GNA12: variants seen among roughly 807,000 people sequenced by gnomAD.
The protein encoded by GNA12 is G protein subunit alpha 12, also known as guanine nucleotide-binding protein subunit alpha-12.
Under a neutral mutation model 26.0 loss-of-function variants are expected in GNA12, and 9 were observed. The observed-to-expected ratio is 0.35, with a 90% CI of 0.21 to 0.60. GNA12 has a LOEUF of 0.60. Among genes scored for constraint, GNA12 ranks in the 20% least tolerant of loss-of-function variants. The pLI, the probability that GNA12 is intolerant of heterozygous loss-of-function variation, is 0.78. For synonymous variants in GNA12, 264 were observed against 219.6 expected (o/e 1.20, Z -1.79); for missense variants, 405 against 525.8 (o/e 0.77, Z 2.25).
At chr7:2,751,706 A>C (rs183099065) in intron 2 of GNA12, among the ~76,000 whole-genome samples, 27 of 152,382 alleles carry the variant, frequency 1.8e-4, no homozygotes, top group Admixed American at 3.3e-4. Context: ...TCAAACATTG[A>C]CAGGTATTAA....
intron 1 of GNA12, among the ~76,000 whole-genome samples, chr7:2,808,095 T>A (rs888923178): frequency 6.6e-6 from 1 of 152,258 alleles, no homozygotes; most frequent in African/African-American, 2.4e-5. Flanking sequence ...GGTAACTGTT[T>A]AGACAACTAA....
intron 1 of GNA12, among the ~76,000 whole-genome samples, chr7:2,812,005 CA>C (rs1249240010): frequency 6.6e-6 from 1 of 152,220 alleles, no homozygotes; most frequent in Admixed American, 6.5e-5. Flanking sequence ...ACAGCTTTCC[CA>C]GGGGCAGTGG....
At chr7:2,742,742 T>C (rs952324560) in intron 2 of GNA12, among the ~76,000 whole-genome samples, 2 of 152,260 alleles carry the variant, frequency 1.3e-5, no homozygotes, top group African/African-American at 4.8e-5. Context: ...ACACAGGTGA[T>C]GCACATCTTC....
At chr7:2,829,616 C>CT (rs1793557475) in intron 1 of GNA12, among the ~76,000 whole-genome samples, 1 of 152,134 alleles carries the variant, frequency 6.6e-6, no homozygotes, top group Non-Finnish European at 1.5e-5. Flanking sequence ...ACTTATTATT[C>CT]TTATACAATA....
chr7:2,743,387 G>A (rs1399743694), intron 2 of GNA12, among the ~76,000 whole-genome samples: 1 of 152,104 alleles, frequency 6.6e-6, no homozygotes, highest in Non-Finnish European at 1.5e-5. Flanking sequence ...TCAAAATATG[G>A]AAGATATTCA....
chr7:2,752,350 C>T (rs1349345181), intron 2 of GNA12, among the ~76,000 whole-genome samples: 1 of 152,104 alleles, frequency 6.6e-6, no homozygotes, highest in Non-Finnish European at 1.5e-5. Flanking sequence ...CATGGTGGAC[C>T]ACTGAGTACT....
intron 2 of GNA12, among the ~76,000 whole-genome samples, chr7:2,759,000 C>T (rs1265079437): frequency 2.0e-5 from 3 of 150,950 alleles, no homozygotes; most frequent in South Asian, 2.1e-4. Flanking sequence ...ACTAGCGGGG[C>T]GTGGTGGTGG....
chr7:2,834,763 C>CATT (rs1167318705), intron 1 of GNA12, among the ~76,000 whole-genome samples: 1 of 152,152 alleles, frequency 6.6e-6, no homozygotes, highest in Non-Finnish European at 1.5e-5. Context: ...TGCCATTGTG[C>CATT]TACAATGGCC....
At chr7:2,804,977 A>C (rs577789241) in intron 1 of GNA12, among the ~76,000 whole-genome samples, 89 of 152,132 alleles carry the variant, frequency 5.9e-4, no homozygotes, top group Non-Finnish European at 1.1e-3. Flanking sequence ...TGATTATCAA[A>C]CATGATGTGT....
chr7:2,827,436 G>A (rs1398063541), intron 1 of GNA12, among the ~76,000 whole-genome samples: 1 of 152,210 alleles, frequency 6.6e-6, no homozygotes, highest in Non-Finnish European at 1.5e-5. Context: ...CAGAAAGGTT[G>A]TATTAACGAA....
At chr7:2,733,576 AG>A in intron 2 of GNA12, 75 bp from the exon 3 acceptor site, 1 of 1,179,494 alleles carries the variant, frequency 8.5e-7, no homozygotes, top group Non-Finnish European at 1.3e-6. Flanking sequence ...AGAACTGAAC[AG>A]GGTAAGAGCA....
chr7:2,742,046 G>C (rs1004881596), intron 2 of GNA12, among the ~76,000 whole-genome samples: 5 of 150,754 alleles, frequency 3.3e-5, no homozygotes, highest in African/African-American at 9.8e-5. Context: ...TTTTGAGATG[G>C]AGTCTCACCC....
At chr7:2,802,683 T>C (rs1393428711) in intron 1 of GNA12, among the ~76,000 whole-genome samples, 1 of 152,238 alleles carries the variant, frequency 6.6e-6, no homozygotes, top group African/African-American at 2.4e-5. Context: ...TGGAAAGCTC[T>C]GTTTTTTAAA....
At chr7:2,813,360 T>C (rs1583302479) in intron 1 of GNA12, among the ~76,000 whole-genome samples, 1 of 152,250 alleles carries the variant, frequency 6.6e-6, no homozygotes, top group Non-Finnish European at 1.5e-5. Context: ...TCCATGCCCA[T>C]AGTACCAATT....
At chr7:2,801,441 G>A (rs1488216434) in intron 1 of GNA12, among the ~76,000 whole-genome samples, 1 of 152,072 alleles carries the variant, frequency 6.6e-6, no homozygotes, top group Non-Finnish European at 1.5e-5. Flanking sequence ...CAACTATCAG[G>A]GTGAACATAG....
At chr7:2,825,701 C>T (rs971046145) in intron 1 of GNA12, among the ~76,000 whole-genome samples, 5 of 152,138 alleles carry the variant, frequency 3.3e-5, no homozygotes, top group East Asian at 1.9e-4. Context: ...CCTGAGAAAA[C>T]GTGTGCTGGC....
chr7:2,740,741 G>A (rs928308769), intron 2 of GNA12, among the ~76,000 whole-genome samples: 1 of 152,102 alleles, frequency 6.6e-6, no homozygotes, highest in Non-Finnish European at 1.5e-5. Context: ...TATAGATTCA[G>A]CCCTTAAAAC....
Position 2,784,492 on chromosome 7 carries a change from C to T in GNA12, c.525+10436G>A, listed in dbSNP as rs575514026. The stretch of plus-strand genomic sequence containing the variant: ...GAATTACTGCCAAAGAATAGAATAA[C>T]ACTTTATGTTTTGACACAAACTGTG... On this transcript the variant is annotated intron_variant, in intron 2 of 3. Coordinates refer to ENST00000275364, the MANE Select transcript of GNA12 (RefSeq NM_007353.3). 2.0e-4 allele frequency among the ~76,000 whole-genome samples: 31 copies of T among 152,336 alleles called. No homozygotes were observed. The South Asian group carries it at 6.2e-3, about 31-fold the overall frequency.
chr7:2,763,007 C>G (rs1376818190), intron 2 of GNA12: 1 of 1,280,158 alleles, frequency 7.8e-7, no homozygotes, highest in Non-Finnish European at 9.8e-7. Context: ...TGGTCGCCAA[C>G]AGCCCCGCCG....
Sources: gnomAD v4.1 joint callset for allele counts (sites outside exome capture counted in the v4.1 genomes callset) on GRCh38, gnomAD v4.1.1 for gene constraint, MANE v1.5 for transcripts, NCBI Gene and HGNC (gene_info 2026-07-23, HGNC 2026-07-21) for gene names.